BRAT1: variants seen among roughly 807,000 people sequenced by gnomAD.
BRAT1 encodes integrator complex assembly factor BRAT1.
BRAT1 carries 74 observed loss-of-function variants against 70.6 expected under a neutral mutation model. The ratio of observed to expected loss-of-function variants is 1.05; its 90% CI spans 0.87 to 1.27. The LOEUF is 1.27. Among genes scored for constraint, BRAT1 ranks in the 50% most tolerant of loss-of-function variants. The pLI is 0.00. For synonymous variants in BRAT1, 615 were observed against 517.1 expected (o/e 1.19, Z -2.57); for missense variants, 1,203 against 1,098.2 (o/e 1.10, Z -1.35).
At chr7:2,548,304 T>A (rs1309857696) in intron 2 of BRAT1, among the ~76,000 whole-genome samples, 1 of 151,984 alleles carries the variant, frequency 6.6e-6, no homozygotes, top group East Asian at 1.9e-4. Flanking sequence ...AGTTTCCCAG[T>A]GAGAAGCCCC....
At position 2,553,563 on chromosome 7, in the gene BRAT1, A is replaced by G. The variant is rs542195523; in HGVS notation, c.127+742T>C. ...GAAAAATACAGCTTTATGTGTTATG[A>G]AAAGGCTGGGAGTAAATTAAAACGT... On this transcript the variant is annotated intron_variant, in intron 2 of 13. Transcript: ENST00000340611. Among the ~76,000 whole-genome samples, 3 of 152,286 alleles carry G rather than the reference A, an allele frequency of 2.0e-5. No individual in the cohort carries two copies. The East Asian group carries it at 5.8e-4, about 29-fold the overall frequency.
At chr7:2,540,712 G>T in intron 10 of BRAT1, 1 of 401,540 alleles carries the variant, frequency 2.5e-6, no homozygotes, top group Non-Finnish European at 4.4e-6. Flanking sequence ...CATTTCCCTT[G>T]TCCAGAATTC....
At chr7:2,538,846 G>A in intron 13 of BRAT1, 82 bp from the exon 14 acceptor site, 1 of 1,559,076 alleles carries the variant, frequency 6.4e-7, no homozygotes, top group East Asian at 2.4e-5. Context: ...TACATGATGG[G>A]GGCTGGCCCC....
intron 3 of BRAT1, among the ~76,000 whole-genome samples, chr7:2,546,693 C>T (rs1779630947): frequency 6.6e-6 from 1 of 151,958 alleles, no homozygotes; most frequent in South Asian, 2.1e-4. Flanking sequence ...TGAGTTCGAA[C>T]CATTGCACTC....
At chr7:2,539,751 C>G (rs1196704378) in intron 11 of BRAT1, 35 bp downstream of exon 11, 1 of 1,583,150 alleles carries the variant, frequency 6.3e-7, no homozygotes, top group Non-Finnish European at 8.6e-7. Context: ...CCCTGCGACT[C>G]CAGCTCCGTT....
Position 2,539,595 on chromosome 7 carries a change from C to G in BRAT1, c.1546G>C (p.Val516Leu). Residue 516 changes from valine to leucine, a missense_variant, in exon 12 of 14, where the codon GTG (valine) becomes CTG (leucine). Coordinates refer to ENST00000340611, the MANE Select transcript of BRAT1 (RefSeq NM_152743.4). ...QKRLCHPCWE[V>L]RDSALEFLTQ... ...AGGAACTCGAGGGCGGAGTCCCTCACCTCCCAGCAGGGGTGGCACAGGCGT... is the reference window on the plus strand; with the variant it reads ...AGGAACTCGAGGGCGGAGTCCCTCAGCTCCCAGCAGGGGTGGCACAGGCGT... 1 of 1,591,090 alleles carries G rather than the reference C, an allele frequency of 6.3e-7. No homozygotes were observed. The highest frequency in any genetic ancestry group is 1.1e-5 in the South Asian group (1 of 87,742).
chr7:2,552,060 T>C (rs1051097480), intron 2 of BRAT1, among the ~76,000 whole-genome samples: 5 of 119,658 alleles, frequency 4.2e-5, no homozygotes, highest in Non-Finnish European at 3.4e-5. Flanking sequence ...AGTCATACTT[T>C]TAGAGAAATG....
intron 3 of BRAT1, among the ~76,000 whole-genome samples, chr7:2,545,881 G>T (rs1034900155): frequency 6.6e-6 from 1 of 152,208 alleles, no homozygotes; most frequent in African/African-American, 2.4e-5. Flanking sequence ...AGTCTGTCCT[G>T]CAGCAAGATG....
At chr7:2,539,696 C>A in intron 11 of BRAT1, 54 bp from the exon 12 acceptor site, 1 of 1,553,886 alleles carries the variant, frequency 6.4e-7, no homozygotes, top group East Asian at 2.4e-5. Context: ...TCACCCTGCC[C>A]TCAGAGCCAG....
chr7:2,545,438 G>C (rs1321031743), intron 3 of BRAT1, among the ~76,000 whole-genome samples: 1 of 146,922 alleles, frequency 6.8e-6, no homozygotes, highest in Non-Finnish European at 1.5e-5. Context: ...GCAAAGCAGA[G>C]ATGGGTTTTC....
rs1416240330 is a variant in BRAT1, at chr7:2,539,560, C to T, written c.1581G>A (p.Leu527=). 1.9e-6 allele frequency: 3 copies of T among 1,568,496 alleles called. No homozygotes were observed. The highest frequency in any genetic ancestry group is 1.2e-5 in the South Asian group (1 of 85,646). The change falls in exon 12 of 14, where the codon CTG becomes CTA. Residue 527 remains leucine, a synonymous_variant. Coordinates refer to ENST00000340611, the MANE Select transcript of BRAT1 (RefSeq NM_152743.4). ...RDSALEFLTQ[L]SRHWGGQADF... ...AGCACTCACCTCCCCAGTGCCTGCT[C>T]AGCTGGGTCAGGAACTCGAGGGCGG...
At chr7:2,542,268 G>A in intron 6 of BRAT1, 57 bp from the exon 7 acceptor site, 1 of 1,413,122 alleles carries the variant, frequency 7.1e-7, no homozygotes, top group South Asian at 1.2e-5. Flanking sequence ...AGTTGGCTGT[G>A]CTCCTAATGT....
In BRAT1 at chr7:2,539,308, AG is replaced by A. The variant is rs1200101352; in HGVS notation, c.1640del (p.Pro547LeufsTer20). ...FRCALLASEV[P>X]QLALQLLQDP... ...CCTGGAGGAGCTGCAGGGCCAGCTG[AG>A]GCACCTCTGAAGCCAAGAGTGCGCA... On this transcript the variant is annotated frameshift_variant, in exon 13 of 14. Transcript: ENST00000340611. LOFTEE classifies it high-confidence loss of function. The A allele has an allele frequency of 6.2e-7, 1 of 1,611,950 alleles. No individual in the cohort carries two copies. Among genetic ancestry groups the A allele is most frequent in the Non-Finnish European group, 8.5e-7 (1 of 1,179,752 alleles).
chr7:2,543,465 C>T lies in BRAT1; in HGVS notation c.803+125G>A, dbSNP rs77555101. Reference sequence around the variant, plus strand: ...CCCCATGAGGGTTCCAGGGTCACCCCGGTGCCGCTTCACTGCAGGCCATGT... The same window carrying T: ...CCCCATGAGGGTTCCAGGGTCACCCTGGTGCCGCTTCACTGCAGGCCATGT... On this transcript the variant is annotated intron_variant, in intron 5 of 13. Coordinates refer to ENST00000340611, the MANE Select transcript of BRAT1 (RefSeq NM_152743.4). The surrounding 1 kb of genome is among the most constrained non-coding windows in gnomAD (Gnocchi z 5.5). The T allele has an allele frequency of 8.6e-4, 1,277 of 1,480,146 alleles. 15 individuals are homozygous for T. The African/African-American group carries it at 0.015, about 17-fold the overall frequency. The allele number at this position is 1,480,146 out of a possible 1,614,324, so 91.7% of individuals were successfully genotyped here.
Position 2,543,197 on chromosome 7 carries a change from A to C in BRAT1, c.923+7T>G. 6.3e-7 allele frequency: 1 copy of C among 1,598,968 alleles called. No individual in the cohort carries two copies. Among genetic ancestry groups the C allele is most frequent in the Non-Finnish European group, 8.5e-7 (1 of 1,173,062 alleles). ...CGCCTCGGAATGAAATGCACCCCAG[A>C]CCATACCAGTGCTCGAGCTTCAGGA... On this transcript the variant is annotated splice_region_variant and intron_variant, in intron 6 of 13. Coordinates refer to ENST00000340611, the MANE Select transcript of BRAT1 (RefSeq NM_152743.4). The surrounding 1 kb of genome is among the most constrained non-coding windows in gnomAD (Gnocchi z 5.5).
In BRAT1 at chr7:2,541,352, C is replaced by G. The variant is rs141807337; in HGVS notation, c.1267G>C (p.Val423Leu). The change falls in exon 9 of 14, where the codon GTC (valine) becomes CTC (leucine). Residue 423 changes from valine (V) to leucine (L), a missense_variant. Val to Leu is a conservative substitution (Grantham distance 32). Coordinates refer to ENST00000340611, the MANE Select transcript of BRAT1 (RefSeq NM_152743.4). ...GHLCGTLAGC[V>L]RVQRAALDFL... ...TCGAGGGCTGCTCGCTGGACCCGGACGCAGCCCGCCAGGGTCCCACAGAGG... is the reference window on the plus strand; with the variant it reads ...TCGAGGGCTGCTCGCTGGACCCGGAGGCAGCCCGCCAGGGTCCCACAGAGG... The G allele has an allele frequency of 2.3e-5, 37 of 1,605,564 alleles. 2 individuals are homozygous for G. In the African/African-American group the frequency reaches 4.8e-4, roughly 21 times the overall value.
Position 2,541,776 on chromosome 7 carries a change from G to A in BRAT1, c.1076C>T (p.Ser359Leu), listed in dbSNP as rs1290341140. 5 of 1,612,578 alleles carry A rather than the reference G, an allele frequency of 3.1e-6. No homozygotes were observed. The highest frequency in any genetic ancestry group is 2.2e-5 in the East Asian group (1 of 44,868). Residue 359 changes from serine to leucine, a missense_variant, in exon 8 of 14, where the codon TCG becomes TTG. Physicochemically the swap from Ser to Leu is moderately radical, Grantham distance 145 (BLOSUM62 -2). Coordinates refer to ENST00000340611, the MANE Select transcript of BRAT1 (RefSeq NM_152743.4). The part of the protein sequence containing the change: ...TTVDTLLASK[S>L]SCAGLLCRTL... ...GCGGCACAGGAGGCCGGCGCAGGACGACTTGGAGGCCAGGAGTGTGTCCAC... is the reference window on the plus strand; with the variant it reads ...GCGGCACAGGAGGCCGGCGCAGGACAACTTGGAGGCCAGGAGTGTGTCCAC...
chr7:2,539,214 C>G lies in BRAT1; in HGVS notation c.1735G>C (p.Ala579Pro). 1 of 1,609,728 alleles carries G rather than the reference C, an allele frequency of 6.2e-7. No homozygotes were observed. Among genetic ancestry groups the G allele is most frequent in the Non-Finnish European group, 8.5e-7 (1 of 1,178,970 alleles). Residue 579 changes from alanine (A) to proline (P), a missense_variant, in exon 13 of 14, where the codon GCC (alanine) becomes CCC (proline). Transcript: ENST00000340611. ...TCTGCATGCTCAGGGCTGGTGGGGG[C>G]GTGCAGGCCCTGGCTGGACAGCTGC... The part of the protein sequence containing the change: ...MGQLSSQGLH[A>P]PTSPEHAEAR...
chr7:2,539,023 G>C (rs1293640485), intron 13 of BRAT1, 156 bp downstream of exon 13: 1 of 1,436,382 alleles, frequency 7.0e-7, no homozygotes. Flanking sequence ...CCCACACCCA[G>C]CACAGCCCCA....
Sources: gnomAD v4.1 joint callset for allele counts (sites outside exome capture counted in the v4.1 genomes callset) on GRCh38, gnomAD v4.1.1 for gene constraint, Gnocchi (gnomAD v3.1) non-coding constraint, MANE v1.5 for transcripts, NCBI Gene and HGNC (gene_info 2026-07-23, HGNC 2026-07-21) for gene names.